PID1: variants seen among roughly 807,000 people sequenced by gnomAD.
The protein encoded by PID1 is PTB-containing, cubilin and LRP1-interacting protein.
In PID1, 10 loss-of-function variants were observed where a neutral mutation model predicts 19.1. That is an observed-to-expected ratio of 0.52 (90% CI 0.32 to 0.89). The LOEUF is 0.89. PID1 is among the 40% of genes least tolerant of loss of function. The probability of loss-of-function intolerance (pLI) is 0.03; values close to 1 mark genes in which losing one functional copy is unlikely to be tolerated. For missense variants in PID1, 248 were observed against 285.3 expected, an observed-to-expected ratio of 0.87 and a Z score of 0.94; for synonymous variants, 130 against 116.0, an observed-to-expected ratio of 1.12 and a Z score of -0.78.
At position 229,271,226 on chromosome 2, in the gene PID1, T is replaced by G. The variant is rs982567358; in HGVS notation, c.-183A>C. On this transcript the variant is annotated 5_prime_UTR_variant, in exon 1 of 3. Transcript: ENST00000392055. ...AGCAGGAGGAGGCGCGGCGCTCAGCTGCCGGCAACTTGTGGGCACGGCCGC... is the reference window on the plus strand; with the variant it reads ...AGCAGGAGGAGGCGCGGCGCTCAGCGGCCGGCAACTTGTGGGCACGGCCGC... 5.5e-6 allele frequency: 3 copies of G among 544,550 alleles called. No homozygotes were observed. In the African/African-American group the frequency reaches 6.1e-5, roughly 11 times the overall value. 33.7% of individuals were successfully genotyped at this position (544,550 alleles called of 1,614,324 possible). A position where few individuals can be genotyped will look rare whatever the true frequency, so the allele number is the denominator to read the frequency against.
At chr2:229,204,686 A>G (rs566072538) in intron 1 of PID1, among the ~76,000 whole-genome samples, 16 of 152,208 alleles carry the variant, frequency 1.1e-4, no homozygotes, top group African/African-American at 3.9e-4. Flanking sequence ...TGATCATGAG[A>G]TCTGGACCCA....
At chr2:229,093,685 T>G (rs1694919399) in intron 2 of PID1, among the ~76,000 whole-genome samples, 1 of 151,938 alleles carries the variant, frequency 6.6e-6, no homozygotes, top group Non-Finnish European at 1.5e-5. Context: ...AACAGAACTT[T>G]AAAAGAAAAA....
chr2:229,069,562 A>G (rs1694410347), intron 2 of PID1, among the ~76,000 whole-genome samples: 1 of 152,222 alleles, frequency 6.6e-6, no homozygotes, highest in South Asian at 2.1e-4. Flanking sequence ...CAATGTATAC[A>G]TTTTAGACTT....
chr2:229,147,383 T>C (rs1312476390), intron 2 of PID1, among the ~76,000 whole-genome samples: 1 of 152,146 alleles, frequency 6.6e-6, no homozygotes, highest in Non-Finnish European at 1.5e-5. Flanking sequence ...ATTAAAAATT[T>C]AGATAATGCA....
rs1693399537 is a variant in PID1 at position 229,025,682 on chromosome 2, T to G, written c.604A>C (p.Asn202His). The part of the protein sequence containing the change: ...SMKSDGRIHS[N>H]SSSEEVSQEL... ...TGGGAAACCTCTTCGGAGGAGCTGT[T>G]GCTGTGGATCCGCCCGTCGCTCTTC... is the stretch of plus-strand genomic sequence containing the variant. The change falls in exon 3 of 3, where the codon AAC becomes CAC. Residue 202 changes from asparagine (N) to histidine (H), a missense_variant. Coordinates refer to ENST00000392055, the MANE Select transcript of PID1 (RefSeq NM_001100818.2). 2 of 1,613,864 alleles carry G rather than the reference T, an allele frequency of 1.2e-6. No individual in the cohort carries two copies. The highest frequency in any genetic ancestry group is 2.2e-5 in the South Asian group (2 of 91,086).
chr2:229,032,472 A>C (rs922669216), intron 2 of PID1, among the ~76,000 whole-genome samples: 9 of 152,208 alleles, frequency 5.9e-5, no homozygotes, highest in African/African-American at 2.2e-4. Context: ...CCTGTCTTTA[A>C]GAGTCGCAAC....
At chr2:229,171,133 AAC>A (rs879606887) in intron 1 of PID1, among the ~76,000 whole-genome samples, 17 of 152,234 alleles carry the variant, frequency 1.1e-4, no homozygotes, top group Non-Finnish European at 2.2e-4. Flanking sequence ...ACATGTTATA[AAC>A]ACACACATAT....
At position 229,059,774 on chromosome 2, in the gene PID1, C is replaced by T. The variant is rs141424689; in HGVS notation, c.178-33666G>A. On this transcript the variant is annotated intron_variant, in intron 2 of 2. Transcript: ENST00000392055. ...TAAATGACATTTTTACCTCACCTTG[C>T]GACATCCCCCAAAAGTGAACATTCT... Among the ~76,000 whole-genome samples the T allele has an allele frequency of 3.8e-3, 586 of 152,272 alleles. 7 individuals carry two copies. Among genetic ancestry groups the T allele is most frequent in the African/African-American group, 0.013 (559 of 41,574 alleles).
At chr2:229,254,963 G>C (rs919969898) in intron 1 of PID1, among the ~76,000 whole-genome samples, 2 of 152,138 alleles carry the variant, frequency 1.3e-5, no homozygotes, top group African/African-American at 2.4e-5. Context: ...GGGTTTAAAA[G>C]GTGCTACAGG....
intron 2 of PID1, among the ~76,000 whole-genome samples, chr2:229,140,586 A>G (rs1689991439): frequency 6.6e-6 from 1 of 152,130 alleles, no homozygotes. Flanking sequence ...TGATGATCCA[A>G]TTGCATCTGA....
rs1022962243 is a variant in PID1, at chr2:229,042,235, G to A, written c.178-16127C>T. Reference sequence around the variant, plus strand: ...ATAAATGATAAAGTAAATAAATATTGGGGGGAAATGGGAAAAAGAAACCTA... The same window carrying A: ...ATAAATGATAAAGTAAATAAATATTAGGGGGAAATGGGAAAAAGAAACCTA... On this transcript the variant is annotated intron_variant, in intron 2 of 2. Coordinates refer to ENST00000392055, the MANE Select transcript of PID1 (RefSeq NM_001100818.2). Among the ~76,000 whole-genome samples, 6 of 151,966 alleles carry A rather than the reference G, an allele frequency of 3.9e-5. No homozygotes were observed. The South Asian group carries it at 6.2e-4, about 16-fold the overall frequency.
intron 2 of PID1, among the ~76,000 whole-genome samples, chr2:229,072,261 A>C (rs1036802386): frequency 3.3e-5 from 5 of 152,226 alleles, no homozygotes; most frequent in Non-Finnish European, 5.9e-5. Flanking sequence ...AAGTTTTGCT[A>C]TCATAATGTT....
At chr2:229,104,576 T>C (rs1392451152) in intron 2 of PID1, among the ~76,000 whole-genome samples, 1 of 152,234 alleles carries the variant, frequency 6.6e-6, no homozygotes, top group African/African-American at 2.4e-5. Flanking sequence ...TAACCCATAG[T>C]AACTTGTTAA....
At chr2:229,089,809 T>C (rs1247261502) in intron 2 of PID1, among the ~76,000 whole-genome samples, 1 of 152,088 alleles carries the variant, frequency 6.6e-6, no homozygotes, top group Non-Finnish European at 1.5e-5. Flanking sequence ...AGCTGGAAAA[T>C]GTCAGTTATC....
At chr2:229,188,086 A>G (rs1691173983) in intron 1 of PID1, among the ~76,000 whole-genome samples, 1 of 152,204 alleles carries the variant, frequency 6.6e-6, no homozygotes, top group Non-Finnish European at 1.5e-5. Flanking sequence ...CAAATTATAC[A>G]TTACAAATAC....
chr2:229,111,655 A>C (rs1451001406), intron 2 of PID1, among the ~76,000 whole-genome samples: 2 of 152,170 alleles, frequency 1.3e-5, no homozygotes, highest in African/African-American at 4.8e-5. Context: ...CAAATTGAAT[A>C]TTCAGTGCCC....
intron 1 of PID1, among the ~76,000 whole-genome samples, chr2:229,255,959 T>G (rs1690283513): frequency 6.6e-6 from 1 of 152,234 alleles, no homozygotes; most frequent in Non-Finnish European, 1.5e-5. Flanking sequence ...GAGCTGTACT[T>G]GGAGAGCAAT....
At chr2:229,233,007 T>C (rs1033301141) in intron 1 of PID1, among the ~76,000 whole-genome samples, 2 of 151,902 alleles carry the variant, frequency 1.3e-5, no homozygotes, top group Admixed American at 1.3e-4. Flanking sequence ...AGTGAACAAG[T>C]GTGTGTTCCA....
At chr2:229,087,336 A>G (rs2106215950) in intron 2 of PID1, among the ~76,000 whole-genome samples, 1 of 152,212 alleles carries the variant, frequency 6.6e-6, no homozygotes, top group East Asian at 1.9e-4. Context: ...AAACCAGACA[A>G]CAAAGAGTAC....
Sources: gnomAD v4.1 joint callset for allele counts (sites outside exome capture counted in the v4.1 genomes callset) on GRCh38, gnomAD v4.1.1 for gene constraint, MANE v1.5 for transcripts, NCBI Gene and HGNC (gene_info 2026-07-23, HGNC 2026-07-21) for gene names.